The following CAMK2D variants were observed in gnomAD, a reference collection of about 807,000 sequenced individuals.
CAMK2D encodes the protein calcium/calmodulin-dependent protein kinase type II subunit delta.
In CAMK2D, 37 loss-of-function variants were observed where a neutral mutation model predicts 84.0. The observed-to-expected ratio is 0.44, with a 90% CI of 0.34 to 0.58. The LOEUF is 0.58. Ranked by LOEUF, CAMK2D falls within the 20% of genes least tolerant of loss-of-function variation. The pLI, the probability that CAMK2D is intolerant of heterozygous loss-of-function variation, is 0.02. For synonymous variants in CAMK2D, 202 were observed against 212.5 expected, an observed-to-expected ratio of 0.95 and a Z score of 0.43; for missense variants, 448 against 652.5, an observed-to-expected ratio of 0.69 and a Z score of 3.41.
chr4:113,640,699 G>A (rs971656017), intron 3 of CAMK2D, among the ~76,000 whole-genome samples: 11 of 152,154 alleles, frequency 7.2e-5, no homozygotes, highest in African/African-American at 2.7e-4. Context: ...CATAGAAGAA[G>A]CCTGAAAGCA....
chr4:113,649,223 A>G (rs1186310527), intron 3 of CAMK2D, among the ~76,000 whole-genome samples: 2 of 151,972 alleles, frequency 1.3e-5, no homozygotes, highest in Admixed American at 1.3e-4. Flanking sequence ...TTCAACACCA[A>G]TTTTTCCTGA....
At chr4:113,675,228 G>T (rs931991999) in intron 2 of CAMK2D, among the ~76,000 whole-genome samples, 7 of 151,924 alleles carry the variant, frequency 4.6e-5, no homozygotes, top group Admixed American at 3.9e-4. Context: ...TCAGCTTAAA[G>T]AAATAAATAT....
At chr4:113,496,694 C>A (rs912571557) in intron 16 of CAMK2D, among the ~76,000 whole-genome samples, 24 of 152,010 alleles carry the variant, frequency 1.6e-4, no homozygotes, top group Non-Finnish European at 3.4e-4. Context: ...AGGGATCTGC[C>A]TGCCTCAGCC....
At chr4:113,539,907 G>T (rs913992701) in intron 6 of CAMK2D, among the ~76,000 whole-genome samples, 1 of 152,080 alleles carries the variant, frequency 6.6e-6, no homozygotes, top group Non-Finnish European at 1.5e-5. Context: ...ATTATATAAT[G>T]AAAACTAAAA....
intron 2 of CAMK2D, among the ~76,000 whole-genome samples, chr4:113,666,383 C>A (rs1056749542): frequency 2.0e-5 from 3 of 152,094 alleles, no homozygotes; most frequent in Admixed American, 1.3e-4. Flanking sequence ...TTTCTTGACA[C>A]CACTGAGTCC....
At chr4:113,552,224 CAT>C (rs2098634201) in intron 4 of CAMK2D, 128 bp from the exon 5 acceptor site, 1 of 542,402 alleles carries the variant, frequency 1.8e-6, no homozygotes. Context: ...CTTTTTAAAA[CAT>C]GAGACAGTGT....
intron 3 of CAMK2D, among the ~76,000 whole-genome samples, chr4:113,614,908 G>A (rs148468290): frequency 1.3e-5 from 2 of 152,278 alleles, no homozygotes; most frequent in African/African-American, 4.8e-5. Flanking sequence ...TTCTAAAACT[G>A]AGCATGGTAG....
At chr4:113,714,335 A>G (rs145157464) in intron 2 of CAMK2D, among the ~76,000 whole-genome samples, 176 of 152,146 alleles carry the variant, frequency 1.2e-3, no homozygotes, top group Non-Finnish European at 1.9e-3. Context: ...TGGTATAACA[A>G]TTACACTCCA....
intron 6 of CAMK2D, among the ~76,000 whole-genome samples, chr4:113,543,326 T>C (rs1444441934): frequency 3.3e-5 from 5 of 152,188 alleles, no homozygotes; most frequent in Non-Finnish European, 5.9e-5. Flanking sequence ...TCTGAGGTAC[T>C]TCCTCCTTTC....
intron 2 of CAMK2D, among the ~76,000 whole-genome samples, chr4:113,692,571 C>A (rs1243172238): frequency 6.6e-6 from 1 of 151,840 alleles, no homozygotes; most frequent in Non-Finnish European, 1.5e-5. Context: ...TATAGTCATA[C>A]ATACATATAT....
intron 4 of CAMK2D, among the ~76,000 whole-genome samples, chr4:113,582,578 TTA>T (rs2098815546): frequency 1.1e-5 from 1 of 90,222 alleles, no homozygotes; most frequent in African/African-American, 3.5e-5. Flanking sequence ...TAAGCTGCTC[TTA>T]CTGAGGAACT....
intron 2 of CAMK2D, among the ~76,000 whole-genome samples, chr4:113,708,073 T>C (rs2099468093): frequency 6.6e-6 from 1 of 152,160 alleles, no homozygotes; most frequent in South Asian, 2.1e-4. Flanking sequence ...AGTATAAGTA[T>C]ACCAACCATA....
intron 3 of CAMK2D, among the ~76,000 whole-genome samples, chr4:113,640,742 T>C (rs1213959475): frequency 2.0e-5 from 3 of 151,264 alleles, no homozygotes; most frequent in Admixed American, 6.6e-5. Flanking sequence ...ATTAAGGAAA[T>C]GACAATAGAG....
chr4:113,517,661 G>A lies in CAMK2D; in HGVS notation c.602-4C>T, dbSNP rs372667658. 7.0e-5 allele frequency: 97 copies of A among 1,378,370 alleles called. No individual in the cohort carries two copies. Among genetic ancestry groups the A allele is most frequent in the Non-Finnish European group, 9.8e-5 (95 of 967,934 alleles). The allele number at this position is 1,378,370 out of a possible 1,614,324, so 85.4% of individuals were successfully genotyped here. A position where few individuals can be genotyped will look rare whatever the true frequency, so the allele number is the denominator to read the frequency against. ...AGTAGAATATAGAGAATGACACCTG[G>A]AGGAGAATATAATGTTAACACAATT... On this transcript the variant is annotated splice_polypyrimidine_tract_variant and splice_region_variant and intron_variant, in intron 8 of 20. Transcript: ENST00000511664.
intron 2 of CAMK2D, among the ~76,000 whole-genome samples, chr4:113,700,481 C>A (rs1173964985): frequency 6.6e-6 from 1 of 152,124 alleles, no homozygotes; most frequent in Non-Finnish European, 1.5e-5. Context: ...CACTTCCCAA[C>A]CTTGTTAACA....
chr4:113,532,947 G>A (rs747088435), intron 7 of CAMK2D, among the ~76,000 whole-genome samples: 3 of 151,234 alleles, frequency 2.0e-5, no homozygotes, highest in South Asian at 2.1e-4. Flanking sequence ...TACAGTTCTC[G>A]GTGGTCCCTT....
intron 4 of CAMK2D, among the ~76,000 whole-genome samples, chr4:113,563,778 G>A (rs2098709710): frequency 6.6e-6 from 1 of 152,208 alleles, no homozygotes; most frequent in Non-Finnish European, 1.5e-5. Flanking sequence ...GAGTGTATCT[G>A]TACTCAACTA....
intron 3 of CAMK2D, among the ~76,000 whole-genome samples, chr4:113,647,161 TTG>T (rs918363961): frequency 2.0e-5 from 3 of 152,184 alleles, no homozygotes; most frequent in African/African-American, 4.8e-5. Flanking sequence ...CATTACCTTT[TTG>T]TGTGTGAAGG....
intron 2 of CAMK2D, among the ~76,000 whole-genome samples, chr4:113,743,692 CCT>C (rs1269045074): frequency 6.6e-6 from 1 of 152,116 alleles, no homozygotes; most frequent in Non-Finnish European, 1.5e-5. Flanking sequence ...TAAATACTAC[CCT>C]CTTTCTTTGC....
Sources: gnomAD v4.1 joint callset for allele counts (sites outside exome capture counted in the v4.1 genomes callset) on GRCh38, gnomAD v4.1.1 for gene constraint, MANE v1.5 for transcripts, NCBI Gene and HGNC (gene_info 2026-07-23, HGNC 2026-07-21) for gene names.